Variants in PDGFRA observed in about 807,000 individuals in gnomAD.
The protein encoded by PDGFRA is platelet derived growth factor receptor alpha.
PDGFRA carries 25 observed loss-of-function variants against 121.5 expected under a neutral mutation model. The observed-to-expected ratio is 0.21, with a 90% confidence interval of 0.15 to 0.29. The LOEUF is 0.29. Ranked by LOEUF, PDGFRA falls within the 10% of genes least tolerant of loss-of-function variation. PDGFRA has a pLI of 1.00. For missense variants in PDGFRA, 1,008 were observed against 1,345.1 expected (o/e 0.75, Z 3.92); for synonymous variants, 463 against 494.8 (o/e 0.94, Z 0.85).
At chr4:54,271,713 C>A (rs1366457546) in intron 8 of PDGFRA, among the ~76,000 whole-genome samples, 1 of 148,302 alleles carries the variant, frequency 6.7e-6, no homozygotes, top group Non-Finnish European at 1.5e-5. Flanking sequence ...CCTTTCCTTT[C>A]TCTTTTTCTT....
At chr4:54,234,848 G>A (rs1466493559) in intron 1 of PDGFRA, among the ~76,000 whole-genome samples, 1 of 152,164 alleles carries the variant, frequency 6.6e-6, no homozygotes, top group African/African-American at 2.4e-5. Context: ...TATTCAAAAG[G>A]ATATGTCATT....
intron 1 of PDGFRA, among the ~76,000 whole-genome samples, chr4:54,231,132 C>T (rs2110162382): frequency 6.6e-6 from 1 of 152,322 alleles, no homozygotes. Context: ...TCCCGCACTT[C>T]GCTCCCCGAA....
intron 1 of PDGFRA, among the ~76,000 whole-genome samples, chr4:54,245,173 A>G (rs1388644569): frequency 1.3e-5 from 2 of 152,234 alleles, no homozygotes; most frequent in East Asian, 1.9e-4. Context: ...AACCTCCCCA[A>G]TCTAGCAAGG....
At position 54,296,380 on chromosome 4, in the gene PDGFRA, T is replaced by C; in HGVS notation, c.*1108T>C. ...GGATTTGCAGAAGTTTTTTTTTTTT[T>C]TTTCTTCATGCCTGATGAAAGCTTT... On this transcript the variant is annotated 3_prime_UTR_variant, in exon 23 of 23. Coordinates refer to ENST00000257290, the MANE Select transcript of PDGFRA (RefSeq NM_006206.6). 1 of 231,540 alleles carries C rather than the reference T, an allele frequency of 4.3e-6. No homozygotes were observed. Among genetic ancestry groups the C allele is most frequent in the African/African-American group, 2.2e-5 (1 of 45,330 alleles). The allele number at this position is 231,540 out of a possible 1,614,324, so 14.3% of individuals were successfully genotyped here. A position where few individuals can be genotyped will look rare whatever the true frequency, so the allele number is the denominator to read the frequency against.
intron 1 of PDGFRA, among the ~76,000 whole-genome samples, chr4:54,242,443 T>G (rs1009198918): frequency 1.3e-5 from 2 of 152,186 alleles, no homozygotes; most frequent in African/African-American, 4.8e-5. Flanking sequence ...CTATTTGTCC[T>G]GGCTAGAGTC....
At chr4:54,236,360 C>T (rs1031763250) in intron 1 of PDGFRA, among the ~76,000 whole-genome samples, 1 of 152,152 alleles carries the variant, frequency 6.6e-6, no homozygotes, top group Non-Finnish European at 1.5e-5. Context: ...GCAGGAACAG[C>T]AAGACTCACT....
chr4:54,249,300 T>C (rs1406394742), intron 1 of PDGFRA, among the ~76,000 whole-genome samples: 1 of 152,178 alleles, frequency 6.6e-6, no homozygotes, highest in Admixed American at 6.5e-5. Flanking sequence ...ACCCGAAGGA[T>C]TATAAATCAT....
At chr4:54,285,317 CTGA>C (rs1485674313) in intron 16 of PDGFRA, 51 bp from the exon 17 acceptor site, 3 of 802,184 alleles carry the variant, frequency 3.7e-6, no homozygotes, top group Non-Finnish European at 6.8e-6. Context: ...CCTCTGCAAC[CTGA>C]TGATTTCCTG....
Position 54,229,407 on chromosome 4 carries a change from G to A in PDGFRA, c.-21G>A, listed in dbSNP as rs1720534354. 1 of 398,322 alleles carries A rather than the reference G, an allele frequency of 2.5e-6. No homozygotes were observed. Among genetic ancestry groups the A allele is most frequent in the Admixed American group, 4.4e-5 (1 of 22,704 alleles). The allele number at this position is 398,322 out of a possible 1,614,324, so 24.7% of individuals were successfully genotyped here. ...GGACATTCATTGCGGAATAACATCG[G>A]AGGAGAAGGTAAGGGAAAAGAAAAA... On this transcript the variant is annotated 5_prime_UTR_variant, in exon 1 of 23. Transcript: ENST00000257290.
intron 1 of PDGFRA, among the ~76,000 whole-genome samples, chr4:54,236,619 T>C (rs1721028035): frequency 1.3e-5 from 2 of 152,052 alleles, no homozygotes; most frequent in South Asian, 4.1e-4. Context: ...CTGACCAACA[T>C]GGTGAAACCC....
intron 1 of PDGFRA, among the ~76,000 whole-genome samples, chr4:54,256,989 A>T (rs1469203149): frequency 6.6e-6 from 1 of 152,150 alleles, no homozygotes; most frequent in Non-Finnish European, 1.5e-5. Context: ...TGATTGTGCC[A>T]GTACACTCCA....
At chr4:54,286,058 T>C (rs1277371298) in intron 18 of PDGFRA, 95 bp downstream of exon 18, 6 of 1,292,700 alleles carry the variant, frequency 4.6e-6, no homozygotes, top group African/African-American at 1.5e-5. Context: ...GCCTGTTTTT[T>C]AAAACATCAA....
intron 16 of PDGFRA, among the ~76,000 whole-genome samples, chr4:54,284,564 C>CAGAG (rs59292448): frequency 0.066 from 3,686 of 55,820 alleles, 59 homozygotes; most frequent in Non-Finnish European, 0.12. Context: ...GAGAGAGAGA[C>CAGAG]AGAGAGAGAG....
chr4:54,288,932 C>A (rs2110345373), intron 20 of PDGFRA, 34 bp downstream of exon 20: 1 of 1,559,624 alleles, frequency 6.4e-7, no homozygotes, highest in Non-Finnish European at 8.8e-7. Context: ...GGCCTGTGTT[C>A]ACAGTCTGTG....
chr4:54,229,410 G>A lies in PDGFRA; in HGVS notation c.-18G>A, dbSNP rs1720534468. ...CATTCATTGCGGAATAACATCGGAG[G>A]AGAAGGTAAGGGAAAAGAAAAAATG... On this transcript the variant is annotated 5_prime_UTR_variant, in exon 1 of 23. Coordinates refer to ENST00000257290, the MANE Select transcript of PDGFRA (RefSeq NM_006206.6). 2.5e-6 allele frequency: 1 copy of A among 398,452 alleles called. No homozygotes were observed. Among genetic ancestry groups the A allele is most frequent in the East Asian group, 3.6e-5 (1 of 28,064 alleles). 24.7% of individuals were successfully genotyped at this position (398,452 alleles called of 1,614,324 possible).
intron 12 of PDGFRA, 88 bp from the exon 13 acceptor site, chr4:54,277,300 C>A: frequency 2.3e-6 from 2 of 880,612 alleles, no homozygotes; most frequent in Non-Finnish European, 3.9e-6. Flanking sequence ...ACTCGCCCAG[C>A]TGTCCGCCCG....
intron 22 of PDGFRA, among the ~76,000 whole-genome samples, chr4:54,290,913 A>G (rs929740952): frequency 6.6e-6 from 1 of 152,140 alleles, no homozygotes; most frequent in African/African-American, 2.4e-5. Context: ...AACTGGGGAA[A>G]AAGTGAAGAG....
intron 4 of PDGFRA, chr4:54,264,483 T>A (rs961732093): frequency 7.3e-6 from 2 of 273,030 alleles, no homozygotes; most frequent in African/African-American, 4.6e-5. Flanking sequence ...CTGTGCTAGG[T>A]TCTGGGAAAG....
chr4:54,249,666 A>G (rs928343239), intron 1 of PDGFRA, among the ~76,000 whole-genome samples: 13 of 152,114 alleles, frequency 8.5e-5, no homozygotes, highest in Non-Finnish European at 1.9e-4. Flanking sequence ...GGATACCTTT[A>G]GGAGATATAC....
Sources: gnomAD v4.1 joint callset for allele counts (sites outside exome capture counted in the v4.1 genomes callset) on GRCh38, gnomAD v4.1.1 for gene constraint, MANE v1.5 for transcripts, NCBI Gene and HGNC (gene_info 2026-07-23, HGNC 2026-07-21) for gene names.